The following CNTN6 variants were observed in gnomAD, a reference collection of about 807,000 sequenced individuals.
CNTN6 encodes the protein contactin-6.
Under a neutral mutation model 122.8 loss-of-function variants are expected in CNTN6, and 137 were observed. That is an observed-to-expected ratio of 1.12 (90% CI 0.97 to 1.29). CNTN6 has a LOEUF of 1.29. Ranked by LOEUF, CNTN6 falls within the 50% of genes most tolerant of loss-of-function variation. The pLI is 0.00. For synonymous variants in CNTN6, 570 were observed against 426.0 expected, an observed-to-expected ratio of 1.34 and a Z score of -4.16; for missense variants, 1,634 against 1,223.4, an observed-to-expected ratio of 1.34 and a Z score of -5.01.
intron 4 of CNTN6, among the ~76,000 whole-genome samples, chr3:1,246,993 T>C (rs1263835733): frequency 6.6e-6 from 1 of 152,140 alleles, no homozygotes; most frequent in African/African-American, 2.4e-5. Context: ...ATCATGTCTT[T>C]TGATAAACAG....
At chr3:1,388,731 G>A (rs1693594053) in intron 20 of CNTN6, among the ~76,000 whole-genome samples, 1 of 149,078 alleles carries the variant, frequency 6.7e-6, no homozygotes, top group South Asian at 2.1e-4. Context: ...AGCTGATGGA[G>A]CTGAAAACCA....
intron 7 of CNTN6, among the ~76,000 whole-genome samples, chr3:1,303,238 T>G (rs3898715): frequency 0.64 from 97,710 of 151,894 alleles, 34,859 homozygotes; most frequent in East Asian, 1. Flanking sequence ...CAATTTTAAA[T>G]CCTCAGCCTG....
intron 1 of CNTN6, among the ~76,000 whole-genome samples, chr3:1,132,247 T>C (rs901570929): frequency 1.3e-5 from 2 of 149,220 alleles, no homozygotes; most frequent in African/African-American, 5.2e-5. Context: ...CTTTTAAAAA[T>C]CTGTTTGCAA....
intron 1 of CNTN6, among the ~76,000 whole-genome samples, chr3:1,142,212 TAAA>T (rs67721626): frequency 1.5e-5 from 2 of 130,794 alleles, no homozygotes; most frequent in African/African-American, 2.8e-5. Context: ...TTTCCATTCC[TAAA>T]AAAAAAAAAA....
intron 7 of CNTN6, among the ~76,000 whole-genome samples, chr3:1,317,907 A>T (rs1700322286): frequency 6.6e-6 from 1 of 150,978 alleles, no homozygotes; most frequent in African/African-American, 2.4e-5. Context: ...AAAAAAAAGC[A>T]AACACATGTC....
intron 7 of CNTN6, among the ~76,000 whole-genome samples, chr3:1,316,680 C>G (rs1700140131): frequency 6.6e-6 from 1 of 151,890 alleles, no homozygotes; most frequent in African/African-American, 2.4e-5. Context: ...CCACATTTCT[C>G]TCTTTACTAC....
chr3:1,219,750 T>C (rs955652006), intron 2 of CNTN6, among the ~76,000 whole-genome samples: 3 of 152,276 alleles, frequency 2.0e-5, no homozygotes, highest in Middle Eastern at 3.4e-3. Flanking sequence ...GCATGGTGGA[T>C]CATGCCTGTA....
chr3:1,260,758 T>A (rs1283816610), intron 4 of CNTN6, among the ~76,000 whole-genome samples: 1 of 151,960 alleles, frequency 6.6e-6, no homozygotes, highest in Non-Finnish European at 1.5e-5. Flanking sequence ...TTAAAGGGGC[T>A]TTTCTCCTTT....
At chr3:1,263,699 T>G (rs980125676) in intron 4 of CNTN6, among the ~76,000 whole-genome samples, 1 of 152,132 alleles carries the variant, frequency 6.6e-6, no homozygotes, top group East Asian at 1.9e-4. Context: ...CATGTTCTTG[T>G]TGAATACCTG....
chr3:1,101,594 G>T (rs568393397), intron 1 of CNTN6, among the ~76,000 whole-genome samples: 70 of 152,170 alleles, frequency 4.6e-4, no homozygotes, highest in African/African-American at 1.7e-3. Context: ...GAGTTATTTT[G>T]TAATAGGCAA....
intron 1 of CNTN6, among the ~76,000 whole-genome samples, chr3:1,131,682 C>T (rs1469513166): frequency 6.6e-6 from 1 of 152,086 alleles, no homozygotes; most frequent in Non-Finnish European, 1.5e-5. Flanking sequence ...TCATCATTCT[C>T]TGGGGTGATA....
At chr3:1,279,318 G>C (rs535518100) in intron 5 of CNTN6, among the ~76,000 whole-genome samples, 275 of 152,300 alleles carry the variant, frequency 1.8e-3, no homozygotes, top group Non-Finnish European at 1.2e-3. Context: ...TCAACTCACA[G>C]TGAACCTGAA....
At position 1,325,996 on chromosome 3, in the gene CNTN6, T is replaced by A. The variant is rs138660059; in HGVS notation, c.1083+45T>A. ...TTAAAAGTTTACCTACTCTACTAGG[T>A]AAATTTTGTTACTAACAGTACTAGT... On this transcript the variant is annotated intron_variant, in intron 9 of 22. Coordinates refer to ENST00000446702, the MANE Select transcript of CNTN6 (RefSeq NM_001289080.2). 3.2e-4 allele frequency: 501 copies of A among 1,555,030 alleles called. 1 individual carries two copies. The African/African-American group carries it at 6.5e-3, about 20-fold the overall frequency.
chr3:1,165,052 A>G (rs1225756812), intron 2 of CNTN6, among the ~76,000 whole-genome samples: 2 of 152,200 alleles, frequency 1.3e-5, no homozygotes, highest in Non-Finnish European at 2.9e-5. Context: ...TTTACAGAAT[A>G]TAGGGTATTT....
At chr3:1,373,045 A>G (rs1709298667) in intron 14 of CNTN6, 90 bp downstream of exon 14, 1 of 736,080 alleles carries the variant, frequency 1.4e-6, no homozygotes, top group African/African-American at 1.8e-5. Flanking sequence ...AAACCACACC[A>G]TGTTATGGAA....
At chr3:1,207,527 C>A (rs1575237426) in intron 2 of CNTN6, among the ~76,000 whole-genome samples, 1 of 152,052 alleles carries the variant, frequency 6.6e-6, no homozygotes, top group East Asian at 1.9e-4. Context: ...TGTCACCAGA[C>A]CAGTGATGCC....
chr3:1,146,081 G>C lies in CNTN6; in HGVS notation c.-82-1846G>C, dbSNP rs529871650. Among the ~76,000 whole-genome samples the C allele has an allele frequency of 2.6e-5, 4 of 151,982 alleles. No individual in the cohort carries two copies. In the East Asian group the frequency reaches 7.7e-4, roughly 29 times the overall value. The stretch of plus-strand genomic sequence containing the variant: ...ATTCCTTTCTTGTACTACAAAAGTA[G>C]CCTTTAATTACTCTGTATAATTCCA... On this transcript the variant is annotated intron_variant, in intron 1 of 22. Transcript: ENST00000446702.
chr3:1,227,045 G>C (rs1019843179), intron 3 of CNTN6, among the ~76,000 whole-genome samples: 1 of 151,972 alleles, frequency 6.6e-6, no homozygotes, highest in Non-Finnish European at 1.5e-5. Context: ...ATAATAATCA[G>C]GTATTCATTT....
Position 1,220,705 on chromosome 3 carries a change from G to T in CNTN6, c.74G>T (p.Arg25Leu), listed in dbSNP as rs371266935. Residue 25 changes from arginine (R) to leucine (L), a missense_variant, in exon 3 of 23, where the codon CGT becomes CTT. Coordinates refer to ENST00000446702, the MANE Select transcript of CNTN6 (RefSeq NM_001289080.2). ...TTCCCAGGTGATGGTCTTTTAAGCC[G>T]TCCTATTTTTACTCAGGAGCCACAT... Reference protein sequence around the residue: ...NSSAGDGLLSRPIFTQEPHDV... With the variant: ...NSSAGDGLLSLPIFTQEPHDV... The T allele has an allele frequency of 1.9e-6, 3 of 1,610,240 alleles. No individual in the cohort carries two copies. The highest frequency in any genetic ancestry group is 2.5e-6 in the Non-Finnish European group (3 of 1,178,344).
Sources: allele counts gnomAD v4.1 joint callset (sites outside exome capture counted in the v4.1 genomes callset), GRCh38; gene constraint gnomAD v4.1.1; transcripts MANE v1.5; gene names NCBI Gene and HGNC (gene_info 2026-07-23, HGNC 2026-07-21).